Variants in GABRA4 observed in about 807,000 individuals in gnomAD.
GABRA4 encodes the protein gamma-aminobutyric acid receptor subunit alpha-4.
Under a neutral mutation model 49.7 loss-of-function variants are expected in GABRA4, and 12 were observed. The ratio of observed to expected loss-of-function variants is 0.24; its 90% CI spans 0.15 to 0.39. The LOEUF is 0.39. Among genes scored for constraint, GABRA4 ranks in the 10% least tolerant of loss-of-function variants. The pLI is 1.00. For missense variants in GABRA4, 506 were observed against 686.0 expected, an observed-to-expected ratio of 0.74 and a Z score of 2.93; for synonymous variants, 288 against 240.2, an observed-to-expected ratio of 1.20 and a Z score of -1.84.
chr4:46,982,069 C>T (rs74865156), intron 2 of GABRA4, among the ~76,000 whole-genome samples: 5,458 of 152,084 alleles, frequency 0.036, 367 homozygotes, highest in African/African-American at 0.13. Flanking sequence ...CCCCTGAACT[C>T]GTATTCTAAA....
chr4:46,928,147 ATT>A lies in GABRA4; in HGVS notation c.*76_*77del. 4 of 1,196,840 alleles carry A rather than the reference ATT, an allele frequency of 3.3e-6. No homozygotes were observed. Among genetic ancestry groups the A allele is most frequent in the Non-Finnish European group, 4.6e-6 (4 of 877,060 alleles). 74.1% of individuals were successfully genotyped at this position (1,196,840 alleles called of 1,614,324 possible). A position where few individuals can be genotyped will look rare whatever the true frequency, so the allele number is the denominator to read the frequency against. Reference sequence around the variant, plus strand: ...CAGAGTTTTTATTTTAGTAAAGAATATTTGTTTATATTTAAAAACATTTAAAA... The same window carrying A: ...CAGAGTTTTTATTTTAGTAAAGAATATGTTTATATTTAAAAACATTTAAAA... On this transcript the variant is annotated 3_prime_UTR_variant, in exon 9 of 9. Coordinates refer to ENST00000264318, the MANE Select transcript of GABRA4 (RefSeq NM_000809.4).
intron 3 of GABRA4, among the ~76,000 whole-genome samples, chr4:46,978,081 T>A (rs1437069091): frequency 2.0e-5 from 3 of 151,976 alleles, no homozygotes; most frequent in African/African-American, 7.2e-5. Context: ...TTAAAATGAG[T>A]CAAATAACTC....
At chr4:46,989,703 T>A (rs1723676301) in intron 2 of GABRA4, among the ~76,000 whole-genome samples, 1 of 152,250 alleles carries the variant, frequency 6.6e-6, no homozygotes, top group African/African-American at 2.4e-5. Context: ...AAATCTTTGC[T>A]TTTAGCTTTG....
intron 8 of GABRA4, among the ~76,000 whole-genome samples, chr4:46,933,159 A>T (rs1721501217): frequency 6.6e-6 from 1 of 152,138 alleles, no homozygotes; most frequent in African/African-American, 2.4e-5. Flanking sequence ...TTTTTATTCC[A>T]GTTTAAAAGA....
chr4:46,943,594 C>T (rs1254830967), intron 8 of GABRA4, among the ~76,000 whole-genome samples: 2 of 151,996 alleles, frequency 1.3e-5, no homozygotes, highest in Non-Finnish European at 2.9e-5. Context: ...TTGGGCCCTG[C>T]CTCCCAGTCC....
intron 8 of GABRA4, among the ~76,000 whole-genome samples, chr4:46,947,781 A>T (rs73813747): frequency 6.6e-6 from 1 of 152,180 alleles, no homozygotes; most frequent in African/African-American, 2.4e-5. Context: ...TTTCCCAGTT[A>T]ATCTTGTGCT....
intron 8 of GABRA4, among the ~76,000 whole-genome samples, chr4:46,944,561 T>C (rs1258920335): frequency 6.6e-6 from 1 of 152,176 alleles, no homozygotes; most frequent in Non-Finnish European, 1.5e-5. Flanking sequence ...ACACCTGGAC[T>C]CTAGCCAGGA....
In GABRA4 at chr4:46,928,197, C is replaced by T; in HGVS notation, c.*28G>A. The T allele has an allele frequency of 6.5e-7, 1 of 1,527,080 alleles. No homozygotes were observed. Among genetic ancestry groups the T allele is most frequent in the Non-Finnish European group, 8.8e-7 (1 of 1,131,908 alleles). 94.6% of individuals were successfully genotyped at this position (1,527,080 alleles called of 1,614,324 possible). ...AAAAGACATTCTGCATTTTCATCAT[C>T]TTTTAGCAAACTACTATAGCAACGA... is the stretch of plus-strand genomic sequence containing the variant. On this transcript the variant is annotated 3_prime_UTR_variant, in exon 9 of 9. Coordinates refer to ENST00000264318, the MANE Select transcript of GABRA4 (RefSeq NM_000809.4).
chr4:46,979,517 A>G (rs1001693784), intron 2 of GABRA4, among the ~76,000 whole-genome samples: 3 of 152,126 alleles, frequency 2.0e-5, no homozygotes, highest in African/African-American at 7.2e-5. Context: ...AACAGCTGTA[A>G]GGAATGTATC....
At chr4:46,936,446 C>A (rs1721606755) in intron 8 of GABRA4, among the ~76,000 whole-genome samples, 1 of 152,132 alleles carries the variant, frequency 6.6e-6, no homozygotes, top group Non-Finnish European at 1.5e-5. Flanking sequence ...GACAGAGTTT[C>A]TCCATGTTTG....
At chr4:46,930,218 T>C (rs781087908) in intron 8 of GABRA4, among the ~76,000 whole-genome samples, 3 of 152,046 alleles carry the variant, frequency 2.0e-5, no homozygotes, top group Non-Finnish European at 4.4e-5. Flanking sequence ...TAGCCTAACA[T>C]ATGGCACTGA....
chr4:46,951,305 A>G lies in GABRA4; in HGVS notation c.1134+13665T>C, dbSNP rs1722164892. 2.0e-5 allele frequency among the ~76,000 whole-genome samples: 3 copies of G among 149,838 alleles called. No individual in the cohort carries two copies. The Admixed American group carries it at 2.0e-4, about 10-fold the overall frequency. On this transcript the variant is annotated intron_variant, in intron 8 of 8. Transcript: ENST00000264318. Reference sequence around the variant, plus strand: ...TTTTATATATTATTAAATATATACTATGTATTTATAATTAATATTTTACAA... The same window carrying G: ...TTTTATATATTATTAAATATATACTGTGTATTTATAATTAATATTTTACAA...
rs763899380 is a variant in GABRA4 at position 46,977,571 on chromosome 4, G to T, written c.333C>A (p.Asp111Glu). The change falls in exon 4 of 9, where the codon GAC becomes GAA. Residue 111 changes from aspartate to glutamate, a missense_variant. Around this residue, in one of 5 missense-constraint regions of GABRA4, gnomAD observed 195 missense variants for 326.0 expected, o/e 0.60. Transcript: ENST00000264318. ...TCAATCTCAAAATTTCAATGGGGCC[G>T]TCATATTTTAATCTTTTGTCAATCC... ...QTWIDKRLKY[D>E]GPIEILRLNN... 2 of 1,612,886 alleles carry T rather than the reference G, an allele frequency of 1.2e-6. No homozygotes were observed. The highest frequency in any genetic ancestry group is 4.5e-5 in the East Asian group (2 of 44,772).
At chr4:46,970,953 T>C (rs1577781990) in intron 7 of GABRA4, 130 bp downstream of exon 7, 1 of 824,690 alleles carries the variant, frequency 1.2e-6, no homozygotes, top group Non-Finnish European at 1.9e-6. Context: ...TAGATAAAAA[T>C]GAAAGCCATG....
rs543112102 is a variant in GABRA4 at position 46,922,469 on chromosome 4, T to C, written c.*5756A>G. The C allele has an allele frequency of 1.3e-5, 2 of 152,078 alleles. No individual in the cohort carries two copies. Among genetic ancestry groups the C allele is most frequent in the Non-Finnish European group, 2.9e-5 (2 of 67,974 alleles). The allele number at this position is 152,078 out of a possible 1,614,324, so 9.4% of individuals were successfully genotyped here. A position where few individuals can be genotyped will look rare whatever the true frequency, so the allele number is the denominator to read the frequency against. ...CAGCCCCAAAAATAGGCAAGGGAGA[T>C]AAAACCTCAATGAAAAAGCAGATGA... On this transcript the variant is annotated 3_prime_UTR_variant, in exon 9 of 9. Transcript: ENST00000264318.
At chr4:46,941,374 A>C (rs1254773134) in intron 8 of GABRA4, among the ~76,000 whole-genome samples, 1 of 152,066 alleles carries the variant, frequency 6.6e-6, no homozygotes, top group African/African-American at 2.4e-5. Context: ...TAACTTATTT[A>C]GCCTTCCTGT....
chr4:46,946,937 T>C (rs936231677), intron 8 of GABRA4, among the ~76,000 whole-genome samples: 5 of 152,148 alleles, frequency 3.3e-5, no homozygotes, highest in African/African-American at 1.2e-4. Context: ...TTTTGAGTTC[T>C]AGTTATGCCG....
rs1431727349 is a variant in GABRA4, at chr4:46,928,466, G to A, written c.1424C>T (p.Thr475Ile). 2.5e-6 allele frequency: 4 copies of A among 1,613,594 alleles called. No individual in the cohort carries two copies. In the African/African-American group the frequency reaches 4.0e-5, roughly 16 times the overall value. ...PRKASVGSASTRHVFGSRLQR... is the reference protein window; with the variant it reads ...PRKASVGSASIRHVFGSRLQR... The stretch of plus-strand genomic sequence containing the variant: ...CAGTCTTGATCCAAACACGTGACGA[G>A]TAGAAGCAGATCCAACTGAAGCCTT... Residue 475 changes from threonine to isoleucine, a missense_variant, in exon 9 of 9, where the codon ACT becomes ATT. This residue lies in a region of GABRA4 where 243 missense variants were observed against 210.8 expected (regional missense o/e 1.15). Coordinates refer to ENST00000264318, the MANE Select transcript of GABRA4 (RefSeq NM_000809.4).
chr4:46,961,048 A>G (rs1166034698), intron 8 of GABRA4, among the ~76,000 whole-genome samples: 1 of 151,892 alleles, frequency 6.6e-6, no homozygotes, highest in Non-Finnish European at 1.5e-5. Flanking sequence ...AAGAAAATAA[A>G]ACTGCATACT....
Sources: gnomAD v4.1 joint callset for allele counts (sites outside exome capture counted in the v4.1 genomes callset) on GRCh38, gnomAD v4.1.1 for gene constraint, gnomAD v4.1.1 regional missense constraint, MANE v1.5 for transcripts, NCBI Gene and HGNC (gene_info 2026-07-23, HGNC 2026-07-21) for gene names.